HDHD2: variants seen among roughly 807,000 people sequenced by gnomAD.
The protein encoded by HDHD2 is haloacid dehalogenase-like hydrolase domain-containing protein 2.
A neutral mutation model predicts 24.8 loss-of-function variants in HDHD2; 26 were observed. That is an observed-to-expected ratio of 1.05 (90% CI 0.77 to 1.45). The LOEUF (loss-of-function observed/expected upper bound fraction) is 1.45. Among genes scored for constraint, HDHD2 ranks in the 40% most tolerant of loss-of-function variants. The pLI, the probability that HDHD2 is intolerant of heterozygous loss-of-function variation, is 0.00. For synonymous variants in HDHD2, 128 were observed against 114.9 expected (o/e 1.11, Z -0.73); for missense variants, 299 against 313.4 (o/e 0.95, Z 0.35).
At chr18:47,139,334 C>T (rs1464724414) in intron 1 of HDHD2, among the ~76,000 whole-genome samples, 3 of 150,492 alleles carry the variant, frequency 2.0e-5, no homozygotes, top group Admixed American at 6.6e-5. Flanking sequence ...GGCGTGGTGG[C>T]GGCGCGTGTA....
intron 4 of HDHD2, among the ~76,000 whole-genome samples, chr18:47,120,846 C>G (rs2063598961): frequency 6.6e-6 from 1 of 152,102 alleles, no homozygotes; most frequent in South Asian, 2.1e-4. Context: ...AGAGTTAGAA[C>G]AGCTGGCTGG....
intron 6 of HDHD2, among the ~76,000 whole-genome samples, chr18:47,112,077 G>T (rs904294686): frequency 6.6e-6 from 1 of 152,214 alleles, no homozygotes; most frequent in Non-Finnish European, 1.5e-5. Context: ...AAATGCAGCA[G>T]GTGCCATTTG....
chr18:47,140,737 C>T (rs1269968168), intron 1 of HDHD2, among the ~76,000 whole-genome samples: 1 of 152,084 alleles, frequency 6.6e-6, no homozygotes, highest in Non-Finnish European at 1.5e-5. Flanking sequence ...GGCTGGTCTC[C>T]AACTCCTAAG....
intron 3 of HDHD2, chr18:47,134,283 G>A: frequency 1.7e-6 from 1 of 584,258 alleles, no homozygotes; most frequent in Non-Finnish European, 3.0e-6. Context: ...ATATAGATAT[G>A]TATTAGGTTA....
chr18:47,121,546 A>C (rs1405850762), intron 4 of HDHD2, among the ~76,000 whole-genome samples: 1 of 152,146 alleles, frequency 6.6e-6, no homozygotes. Flanking sequence ...TTTTCTCTTG[A>C]CCTATTACTC....
intron 1 of HDHD2, chr18:47,137,103 T>C (rs2063773933): frequency 8.2e-6 from 6 of 731,626 alleles, no homozygotes; most frequent in African/African-American, 1.7e-5. Context: ...AATGGTTCTG[T>C]GGTGCAGTTT....
chr18:47,113,846 A>C (rs2063535335), intron 5 of HDHD2, among the ~76,000 whole-genome samples: 1 of 152,130 alleles, frequency 6.6e-6, no homozygotes, highest in South Asian at 2.1e-4. Flanking sequence ...GTCCAACTTC[A>C]AACCATTTCT....
chr18:47,128,387 T>C (rs995794951), intron 4 of HDHD2, among the ~76,000 whole-genome samples: 4 of 152,156 alleles, frequency 2.6e-5, no homozygotes, highest in African/African-American at 9.7e-5. Context: ...GTAGTAGAAG[T>C]AAATTCAGAA....
chr18:47,121,811 T>C (rs1394767060), intron 4 of HDHD2, among the ~76,000 whole-genome samples: 2 of 152,208 alleles, frequency 1.3e-5, no homozygotes, highest in East Asian at 3.8e-4. Flanking sequence ...GTCAAGCTCT[T>C]TCCTGCTTCA....
intron 1 of HDHD2, among the ~76,000 whole-genome samples, chr18:47,139,119 G>A (rs1350764115): frequency 6.6e-6 from 1 of 152,028 alleles, no homozygotes; most frequent in Non-Finnish European, 1.5e-5. Flanking sequence ...TCCAGACCTT[G>A]CCCTATGTAT....
At chr18:47,133,742 A>AT (rs1394803523) in intron 3 of HDHD2, among the ~76,000 whole-genome samples, 1 of 151,916 alleles carries the variant, frequency 6.6e-6, no homozygotes, top group African/African-American at 2.4e-5. Context: ...GATGATGAGC[A>AT]TTTTTTCATG....
intron 3 of HDHD2, among the ~76,000 whole-genome samples, chr18:47,132,260 G>C (rs2063720521): frequency 6.6e-6 from 1 of 152,098 alleles, no homozygotes; most frequent in Non-Finnish European, 1.5e-5. Flanking sequence ...TTTATCAAGA[G>C]ATAGAACTTT....
chr18:47,122,027 A>G (rs182262515), intron 4 of HDHD2, among the ~76,000 whole-genome samples: 25 of 152,272 alleles, frequency 1.6e-4, no homozygotes, highest in Non-Finnish European at 2.8e-4. Flanking sequence ...CATGATTGGT[A>G]ATCCTTATCC....
At chr18:47,140,767 T>A (rs907602464) in intron 1 of HDHD2, among the ~76,000 whole-genome samples, 7 of 152,188 alleles carry the variant, frequency 4.6e-5, no homozygotes, top group Non-Finnish European at 1.0e-4. Context: ...TCCTCCCACC[T>A]TGGCCTTCCA....
intron 1 of HDHD2, chr18:47,149,141 G>C (rs2063903751): frequency 6.6e-6 from 1 of 152,136 alleles, no homozygotes; most frequent in African/African-American, 2.4e-5. Context: ...GAACATTATG[G>C]ATATATCAAG....
chr18:47,128,805 A>G (rs1306108532), intron 4 of HDHD2, among the ~76,000 whole-genome samples: 1 of 152,226 alleles, frequency 6.6e-6, no homozygotes, highest in Non-Finnish European at 1.5e-5. Context: ...CTGGCCACAT[A>G]GATTTTACAT....
chr18:47,137,428 C>T (rs577686268), intron 1 of HDHD2: 2 of 260,712 alleles, frequency 7.7e-6, no homozygotes, highest in Non-Finnish European at 1.5e-5. Context: ...CTTTCCTTTC[C>T]TCTTTCCCCA....
chr18:47,132,837 A>C (rs888803884), intron 3 of HDHD2, among the ~76,000 whole-genome samples: 15 of 152,328 alleles, frequency 9.8e-5, no homozygotes, highest in African/African-American at 3.4e-4. Flanking sequence ...TTGATTGAAA[A>C]ATATTTCATG....
chr18:47,125,780 T>C (rs1031182510), intron 4 of HDHD2, among the ~76,000 whole-genome samples: 16 of 152,216 alleles, frequency 1.1e-4, no homozygotes, highest in Non-Finnish European at 2.2e-4. Context: ...AAATGTTCTA[T>C]ATCTTGATCA....
Sources: gnomAD v4.1 joint callset for allele counts (sites outside exome capture counted in the v4.1 genomes callset) on GRCh38, gnomAD v4.1.1 for gene constraint, MANE v1.5 for transcripts, NCBI Gene and HGNC (gene_info 2026-07-23, HGNC 2026-07-21) for gene names.